The following ATP9B variants were observed in gnomAD, a reference collection of about 807,000 sequenced individuals.
ATP9B encodes ATPase phospholipid transporting 9B, also known as probable phospholipid-transporting ATPase IIB.
A neutral mutation model predicts 146.1 loss-of-function variants in ATP9B; 110 were observed. That is an observed-to-expected ratio of 0.75 (90% CI 0.65 to 0.88). The LOEUF (loss-of-function observed/expected upper bound fraction) is 0.88. ATP9B is among the 40% of genes least tolerant of loss of function. The pLI is 0.00. For missense variants in ATP9B, 1,499 were observed against 1,496.4 expected (o/e 1.00, Z -0.03); for synonymous variants, 604 against 569.7 (o/e 1.06, Z -0.86).
In ATP9B at chr18:79,232,752, C is replaced by T. The variant is rs552546915; in HGVS notation, c.1107+18714C>T. ...AGAAGAAGTAGACAACTCGCGAAAACGGAGAGATAACTGTAATCAGAGATG... is the reference window on the plus strand; with the variant it reads ...AGAAGAAGTAGACAACTCGCGAAAATGGAGAGATAACTGTAATCAGAGATG... On this transcript the variant is annotated intron_variant, in intron 11 of 29. Coordinates refer to ENST00000426216, the MANE Select transcript of ATP9B (RefSeq NM_198531.5). Among the ~76,000 whole-genome samples, 22 of 152,166 alleles carry T rather than the reference C, an allele frequency of 1.4e-4. No individual in the cohort carries two copies. The South Asian group carries it at 2.5e-3, about 17-fold the overall frequency.
In ATP9B at chr18:79,374,073, C is replaced by T. The variant is rs529359396; in HGVS notation, c.3246C>T (p.Ser1082=). 11 of 1,614,126 alleles carry T rather than the reference C, an allele frequency of 6.8e-6. No individual in the cohort carries two copies. In the Admixed American group the frequency reaches 8.3e-5, roughly 12 times the overall value. The part of the protein sequence containing the change: ...AEFLSLGCYV[S]SLAFLNEYFG... Reference sequence around the variant, plus strand: ...TCCTCAGCTTAGGCTGCTACGTGTCCTCACTCGCTTTTCTCAATGAATATT... The same window carrying T: ...TCCTCAGCTTAGGCTGCTACGTGTCTTCACTCGCTTTTCTCAATGAATATT... Residue 1082 remains serine, a synonymous_variant, in exon 28 of 30, where the codon TCC becomes TCT. Coordinates refer to ENST00000426216, the MANE Select transcript of ATP9B (RefSeq NM_198531.5).
At chr18:79,290,321 C>T (rs943551952) in intron 13 of ATP9B, among the ~76,000 whole-genome samples, 19 of 152,206 alleles carry the variant, frequency 1.2e-4, no homozygotes, top group East Asian at 3.9e-4. Flanking sequence ...TGGGCAATGG[C>T]GGGCGCCCCT....
At chr18:79,157,788 G>A (rs72992380) in intron 7 of ATP9B, among the ~76,000 whole-genome samples, 10,263 of 152,090 alleles carry the variant, frequency 0.067, 418 homozygotes, top group Non-Finnish European at 0.095. Context: ...TCTAATCTGC[G>A]GCCGTGCAGT....
chr18:79,315,530 A>G (rs1346199627), intron 15 of ATP9B, among the ~76,000 whole-genome samples: 2 of 152,226 alleles, frequency 1.3e-5, no homozygotes, highest in East Asian at 1.9e-4. Context: ...ATGATGTACA[A>G]AGTGCATGGT....
chr18:79,263,989 G>A (rs1195331701), intron 12 of ATP9B, among the ~76,000 whole-genome samples: 5 of 152,160 alleles, frequency 3.3e-5, no homozygotes, highest in Non-Finnish European at 7.4e-5. Context: ...GGAGGCTGAG[G>A]CAGGAGAATG....
rs2071427256 is a variant in ATP9B at position 79,069,446 on chromosome 18, C to T, written c.36C>T (p.Ser12=). The T allele has an allele frequency of 1.3e-6, 2 of 1,516,618 alleles. No individual in the cohort carries two copies. The highest frequency in any genetic ancestry group is 1.4e-5 in the African/African-American group (1 of 69,628). The allele number at this position is 1,516,618 out of a possible 1,614,324, so 93.9% of individuals were successfully genotyped here. A position where few individuals can be genotyped will look rare whatever the true frequency, so the allele number is the denominator to read the frequency against. The part of the protein sequence containing the change: ...ADQIPLYPVR[S]AAAAAANRKR... ...AGATCCCGCTTTACCCGGTGCGTAGCGCAGCGGCGGCCGCAGCCAACCGCA... is the reference window on the plus strand; with the variant it reads ...AGATCCCGCTTTACCCGGTGCGTAGTGCAGCGGCGGCCGCAGCCAACCGCA... The change falls in exon 1 of 30, where the codon AGC becomes AGT. Residue 12 remains serine (S), a synonymous_variant. Transcript: ENST00000426216.
intron 13 of ATP9B, among the ~76,000 whole-genome samples, chr18:79,294,206 G>A (rs1007667839): frequency 2.0e-5 from 3 of 152,174 alleles, no homozygotes; most frequent in Non-Finnish European, 4.4e-5. Flanking sequence ...TGGATTTTTT[G>A]CATTTAGAAA....
chr18:79,244,905 T>TAA (rs2095928067), intron 11 of ATP9B, among the ~76,000 whole-genome samples: 1 of 152,376 alleles, frequency 6.6e-6, no homozygotes, highest in African/African-American at 2.4e-5. Flanking sequence ...TGACTCCTAG[T>TAA]AAGAGACTTT....
At chr18:79,255,815 T>C (rs1177265111) in intron 12 of ATP9B, among the ~76,000 whole-genome samples, 1 of 152,224 alleles carries the variant, frequency 6.6e-6, no homozygotes, top group Admixed American at 6.5e-5. Context: ...AAGGGTGGTG[T>C]ATTTTTCTCC....
rs2147569432 is a variant in ATP9B, at chr18:79,348,195, G to C, written c.2902G>C (p.Gly968Arg). ...VPLYQGFLMV[G>R]YATIYTMFPV... ...TTTGTATCAGGGCTTCCTCATGGTGGGGTAAGTTACACTCAGAACCTGCCA... is the reference window on the plus strand; with the variant it reads ...TTTGTATCAGGGCTTCCTCATGGTGCGGTAAGTTACACTCAGAACCTGCCA... The change falls in exon 25 of 30, where the codon GGG becomes CGG. Residue 968 changes from glycine (G) to arginine (R), a missense_variant and splice_region_variant. By Grantham distance (125) the Gly-to-Arg change is moderately radical. Coordinates refer to ENST00000426216, the MANE Select transcript of ATP9B (RefSeq NM_198531.5). 3.1e-6 allele frequency: 5 copies of C among 1,609,830 alleles called. No homozygotes were observed. The highest frequency in any genetic ancestry group is 4.2e-6 in the Non-Finnish European group (5 of 1,178,688).
At chr18:79,265,707 C>T (rs1303293613) in intron 12 of ATP9B, among the ~76,000 whole-genome samples, 3 of 151,854 alleles carry the variant, frequency 2.0e-5, no homozygotes, top group African/African-American at 7.3e-5. Context: ...TTATTGAGAT[C>T]TCATTTGTCA....
intron 11 of ATP9B, among the ~76,000 whole-genome samples, chr18:79,237,692 G>GTT (rs1568467234): frequency 3.1e-4 from 40 of 128,974 alleles, no homozygotes; most frequent in Middle Eastern, 3.9e-3. Flanking sequence ...TTTTTTTTGG[G>GTT]GGGGGGTGGG....
At chr18:79,303,514 GAA>G in intron 13 of ATP9B, 88 bp from the exon 14 acceptor site, 1 of 987,428 alleles carries the variant, frequency 1.0e-6, no homozygotes, top group Non-Finnish European at 1.6e-6. Context: ...TTCAGCCCAT[GAA>G]TGTGCAGCAT....
intron 17 of ATP9B, among the ~76,000 whole-genome samples, chr18:79,331,965 A>G (rs1369014170): frequency 6.6e-6 from 1 of 152,230 alleles, no homozygotes; most frequent in South Asian, 2.1e-4. Context: ...CCCCACACAG[A>G]TGAAAATCAG....
At chr18:79,218,718 A>G (rs2095651471) in intron 11 of ATP9B, among the ~76,000 whole-genome samples, 1 of 152,242 alleles carries the variant, frequency 6.6e-6, no homozygotes, top group African/African-American at 2.4e-5. Flanking sequence ...ACACATTTCC[A>G]TGACCACTGG....
chr18:79,245,824 AGGAGGGCACCACCCTACTGACTGC>A, intron 11 of ATP9B, among the ~76,000 whole-genome samples: 1 of 133,694 alleles, frequency 7.5e-6, no homozygotes, highest in Admixed American at 7.6e-5. Context: ...CTACTGACTG[AGGAGGGCACCACCCTACTGACTGC>A]GGAGGGCACC....
At chr18:79,311,407 A>G (rs1324908977) in intron 15 of ATP9B, among the ~76,000 whole-genome samples, 1 of 152,172 alleles carries the variant, frequency 6.6e-6, no homozygotes, top group East Asian at 1.9e-4. Context: ...GAGGTTGTCC[A>G]GGGGACAGAT....
chr18:79,257,103 T>C (rs1469067083), intron 12 of ATP9B, among the ~76,000 whole-genome samples: 1 of 152,056 alleles, frequency 6.6e-6, no homozygotes, highest in South Asian at 2.1e-4. Context: ...AGTTTGGGAC[T>C]AGCCTGGCCA....
chr18:79,285,169 A>G (rs1180820407), intron 13 of ATP9B, among the ~76,000 whole-genome samples: 2 of 151,326 alleles, frequency 1.3e-5, no homozygotes, highest in African/African-American at 4.9e-5. Context: ...TGGTATTTCT[A>G]GTTCTAGATC....
Sources: allele counts gnomAD v4.1 joint callset (sites outside exome capture counted in the v4.1 genomes callset), GRCh38; gene constraint gnomAD v4.1.1; transcripts MANE v1.5; gene names NCBI Gene and HGNC (gene_info 2026-07-23, HGNC 2026-07-21).